The following GABRA5 variants were observed in gnomAD, a reference collection of about 807,000 sequenced individuals.
GABRA5 encodes gamma-aminobutyric acid type A receptor subunit alpha5, also known as gamma-aminobutyric acid receptor subunit alpha-5.
GABRA5 carries 18 observed loss-of-function variants against 47.3 expected under a neutral mutation model. The ratio of observed to expected loss-of-function variants is 0.38; its 90% CI spans 0.26 to 0.56. The LOEUF (loss-of-function observed/expected upper bound fraction) is 0.56. Among genes scored for constraint, GABRA5 ranks in the 20% least tolerant of loss-of-function variants. The probability of loss-of-function intolerance (pLI) is 0.71; values close to 1 mark genes in which losing one functional copy is unlikely to be tolerated. For synonymous variants in GABRA5, 237 were observed against 229.3 expected (o/e 1.03, Z -0.30); for missense variants, 365 against 599.3 (o/e 0.61, Z 4.08).
intron 3 of GABRA5, chr15:26,877,557 T>C (rs1198450892): frequency 5.4e-6 from 2 of 370,854 alleles, no homozygotes; most frequent in African/African-American, 4.3e-5. Context: ...ATTATCGAAC[T>C]CACTGTATGT....
chr15:26,905,212 C>G (rs1245981959), intron 6 of GABRA5, among the ~76,000 whole-genome samples: 1 of 151,654 alleles, frequency 6.6e-6, no homozygotes, highest in African/African-American at 2.4e-5. Context: ...GGCTGTTTAT[C>G]TGGAATATCA....
intron 6 of GABRA5, among the ~76,000 whole-genome samples, chr15:26,886,323 G>C (rs1892879112): frequency 6.6e-6 from 1 of 152,136 alleles, no homozygotes; most frequent in African/African-American, 2.4e-5. Flanking sequence ...CCCAGCCAAG[G>C]TAAGCAGTTT....
intron 7 of GABRA5, among the ~76,000 whole-genome samples, chr15:26,932,598 G>A (rs1894134463): frequency 1.3e-5 from 2 of 152,050 alleles, no homozygotes; most frequent in African/African-American, 4.8e-5. Flanking sequence ...CATTTGACCT[G>A]GCAATCCCAT....
chr15:26,930,169 C>T (rs943977162), intron 7 of GABRA5, among the ~76,000 whole-genome samples: 3 of 151,974 alleles, frequency 2.0e-5, no homozygotes, highest in Admixed American at 6.5e-5. Context: ...CCCGCCACTA[C>T]GCCTGGCTAA....
chr15:26,933,923 G>A (rs1234627479), intron 7 of GABRA5, among the ~76,000 whole-genome samples: 1 of 152,134 alleles, frequency 6.6e-6, no homozygotes, highest in Non-Finnish European at 1.5e-5. Flanking sequence ...TTCAGCTCAG[G>A]AGACTGCAGA....
chr15:26,908,128 A>G (rs1005401323), intron 6 of GABRA5, among the ~76,000 whole-genome samples: 1 of 152,206 alleles, frequency 6.6e-6, no homozygotes, highest in East Asian at 1.9e-4. Flanking sequence ...ACTTGTATGC[A>G]TGCATATGTA....
chr15:26,869,943 G>C (rs982318813), intron 3 of GABRA5, among the ~76,000 whole-genome samples: 5 of 152,120 alleles, frequency 3.3e-5, no homozygotes, highest in African/African-American at 1.2e-4. Flanking sequence ...TTTAGTATCC[G>C]CATACCAACT....
At chr15:26,927,984 T>TA (rs1255046383) in intron 7 of GABRA5, among the ~76,000 whole-genome samples, 1 of 152,184 alleles carries the variant, frequency 6.6e-6, no homozygotes, top group African/African-American at 2.4e-5. Flanking sequence ...GGAAATTCCT[T>TA]AAAAATAATG....
intron 6 of GABRA5, among the ~76,000 whole-genome samples, chr15:26,905,184 T>A (rs1410310260): frequency 6.6e-6 from 1 of 152,106 alleles, no homozygotes; most frequent in Non-Finnish European, 1.5e-5. Flanking sequence ...TTAATTGATT[T>A]TGGAATGCTC....
At chr15:26,875,125 T>A (rs1157411650) in intron 3 of GABRA5, among the ~76,000 whole-genome samples, 1 of 152,226 alleles carries the variant, frequency 6.6e-6, no homozygotes, top group Non-Finnish European at 1.5e-5. Flanking sequence ...CTATGCCAAA[T>A]GCTCAAGCAA....
intron 6 of GABRA5, among the ~76,000 whole-genome samples, chr15:26,898,235 T>A (rs548809843): frequency 1.1e-4 from 16 of 152,284 alleles, no homozygotes; most frequent in African/African-American, 3.9e-4. Context: ...CTCTGTTCAG[T>A]GAGTCAAGGC....
intron 6 of GABRA5, among the ~76,000 whole-genome samples, chr15:26,900,925 T>C (rs1446824528): frequency 6.6e-6 from 1 of 152,154 alleles, no homozygotes; most frequent in African/African-American, 2.4e-5. Flanking sequence ...TTTTGCCTTT[T>C]CCCAGAATGT....
At chr15:26,920,209 TTCTC>T (rs780240263) in intron 7 of GABRA5, among the ~76,000 whole-genome samples, 1 of 152,018 alleles carries the variant, frequency 6.6e-6, no homozygotes, top group Non-Finnish European at 1.5e-5. Context: ...TTGTTGTTCT[TTCTC>T]TCTCTCTTCT....
chr15:26,893,346 CGTGT>C (rs982226706), intron 6 of GABRA5, among the ~76,000 whole-genome samples: 16 of 988 alleles, frequency 0.016, no homozygotes, highest in African/African-American at 0.091. Flanking sequence ...TATGGAGTGT[CGTGT>C]GTGTGTATGG....
In GABRA5 at chr15:26,926,265, G is replaced by A. The variant is rs1893960364; in HGVS notation, c.581-10920G>A. ...TTTTCATCTGACATCCAGAGATAAT[G>A]GATGTTACCTCATAGCAGGCATTCT... On this transcript the variant is annotated intron_variant, in intron 7 of 10. Coordinates refer to ENST00000335625, the MANE Select transcript of GABRA5 (RefSeq NM_000810.4). Among the ~76,000 whole-genome samples, 4 of 152,194 alleles carry A rather than the reference G, an allele frequency of 2.6e-5. No homozygotes were observed. The South Asian group carries it at 8.3e-4, about 32-fold the overall frequency.
chr15:26,884,205 AAG>A (rs1491111139), intron 6 of GABRA5, among the ~76,000 whole-genome samples: 2 of 152,034 alleles, frequency 1.3e-5, no homozygotes, highest in African/African-American at 4.8e-5. Context: ...AGAAAAAAAA[AAG>A]AAGGGAATTT....
At position 26,883,920 on chromosome 15, in the gene GABRA5, ACT is replaced by A. The variant is rs1892808397; in HGVS notation, c.497+366_497+367del. 6.6e-6 allele frequency among the ~76,000 whole-genome samples: 1 copy of A among 151,230 alleles called. No homozygotes were observed. The highest frequency in any genetic ancestry group is 2.4e-5 in the African/African-American group (1 of 41,106). ...ATGCCTGTACACCTTTAATCCCAAC[ACT>A]CTGGGAGGCTGAGGTGGGAGGATTG... On this transcript the variant is annotated intron_variant, in intron 6 of 10. Transcript: ENST00000335625. The surrounding 1 kb of genome is among the most constrained non-coding windows in gnomAD (Gnocchi z 4.8).
chr15:26,888,478 G>A (rs1286480398), intron 6 of GABRA5, among the ~76,000 whole-genome samples: 1 of 152,170 alleles, frequency 6.6e-6, no homozygotes, highest in Non-Finnish European at 1.5e-5. Flanking sequence ...GGAGAGGTTA[G>A]GGGAGCTGAA....
intron 3 of GABRA5, among the ~76,000 whole-genome samples, chr15:26,874,313 A>G (rs1330185058): frequency 7.7e-6 from 1 of 129,456 alleles, no homozygotes; most frequent in African/African-American, 3.1e-5. Flanking sequence ...AATATTCACA[A>G]TGCATTTTTT....
Sources: gnomAD v4.1 joint callset for allele counts (sites outside exome capture counted in the v4.1 genomes callset) on GRCh38, gnomAD v4.1.1 for gene constraint, Gnocchi (gnomAD v3.1) non-coding constraint, MANE v1.5 for transcripts, NCBI Gene and HGNC (gene_info 2026-07-23, HGNC 2026-07-21) for gene names.